NAA60: variants seen among roughly 807,000 people sequenced by gnomAD.
NAA60 encodes the protein N-alpha-acetyltransferase 60, NatF catalytic subunit, also known as N-alpha-acetyltransferase 60.
Under a neutral mutation model 26.1 loss-of-function variants are expected in NAA60, and 8 were observed. The observed-to-expected ratio is 0.31, with a 90% CI of 0.18 to 0.55. NAA60 has a LOEUF of 0.55. Ranked by LOEUF, NAA60 falls within the 20% of genes least tolerant of loss-of-function variation. The pLI, the probability that NAA60 is intolerant of heterozygous loss-of-function variation, is 0.93. For missense variants in NAA60, 290 were observed against 311.3 expected (o/e 0.93, Z 0.51); for synonymous variants, 131 against 122.5 (o/e 1.07, Z -0.46).
intron 2 of NAA60, among the ~76,000 whole-genome samples, chr16:3,470,959 C>A (rs79630269): frequency 1.7e-4 from 24 of 143,784 alleles, no homozygotes; most frequent in African/African-American, 6.2e-4. Context: ...TTAGGTGTGA[C>A]GCGTTTCCAT....
chr16:3,479,387 C>T, intron 3 of NAA60, 84 bp from the exon 4 acceptor site: 1 of 1,476,712 alleles, frequency 6.8e-7, no homozygotes, highest in Non-Finnish European at 9.2e-7. Flanking sequence ...TGGCCCAGAG[C>T]TCCCTGTGGT....
In NAA60 at chr16:3,444,763, T is replaced by C. The variant is rs150866988; in HGVS notation, c.-77+926T>C. On this transcript the variant is annotated intron_variant, in intron 1 of 7. Transcript: ENST00000407558. ...TGCTTCTCTGCCACCCTAAGCATGT[T>C]GGTAACGTTGACAATAGAATCCAGG... 8.8e-4 allele frequency among the ~76,000 whole-genome samples: 134 copies of C among 152,326 alleles called. No homozygotes were observed. The East Asian group carries it at 0.02, about 23-fold the overall frequency.
At chr16:3,484,515 C>T in intron 6 of NAA60, 184 bp from the exon 7 acceptor site, 3 of 741,540 alleles carry the variant, frequency 4.0e-6, no homozygotes, top group South Asian at 1.9e-5. Flanking sequence ...TGTTGTTTTG[C>T]ACAGCAGAGG....
chr16:3,471,525 G>C (rs776367920), intron 2 of NAA60, among the ~76,000 whole-genome samples: 21 of 151,972 alleles, frequency 1.4e-4, no homozygotes, highest in Non-Finnish European at 3.1e-4. Flanking sequence ...ATAATAAAAA[G>C]ATCTGGAACG....
At position 3,484,736 on chromosome 16, in the gene NAA60, C is replaced by G; in HGVS notation, c.610C>G (p.Leu204Val). The G allele has an allele frequency of 6.3e-7, 1 of 1,596,086 alleles. No individual in the cohort carries two copies. The highest frequency in any genetic ancestry group is 8.5e-7 in the Non-Finnish European group (1 of 1,172,214). Residue 204 changes from leucine to valine, a missense_variant, in exon 7 of 8, where the codon CTG (leucine) becomes GTG (valine). Leu to Val is a conservative substitution (Grantham distance 32, BLOSUM62 1). Transcript: ENST00000407558. ...GCACCTGGGCTCTGCACTAGCCAGC[C>G]TGAGCCCCTGCTCCATTCCGCACAG... ...IQHLGSALAS[L>V]SPCSIPHRVY...
chr16:3,472,702 G>A (rs974856456), intron 2 of NAA60, among the ~76,000 whole-genome samples: 1 of 152,144 alleles, frequency 6.6e-6, no homozygotes, highest in African/African-American at 2.4e-5. Flanking sequence ...CAAAGTGCTG[G>A]GATTACAGGC....
intron 4 of NAA60, among the ~76,000 whole-genome samples, chr16:3,481,446 A>G (rs1459864843): frequency 1.3e-5 from 2 of 151,670 alleles, no homozygotes; most frequent in African/African-American, 2.4e-5. Context: ...ATTCCCCTGA[A>G]CCCCATCCCC....
At chr16:3,451,744 C>G (rs1030629952) in intron 2 of NAA60, among the ~76,000 whole-genome samples, 1 of 146,366 alleles carries the variant, frequency 6.8e-6, no homozygotes, top group Non-Finnish European at 1.5e-5. Flanking sequence ...ATGACAAAAC[C>G]TCGTCTCTAC....
intron 4 of NAA60, among the ~76,000 whole-genome samples, 163 bp downstream of exon 4, chr16:3,479,763 C>CTGTGTG (rs397970860): frequency 3.4e-4 from 51 of 151,108 alleles, no homozygotes; most frequent in Admixed American, 2.4e-3. Context: ...TGGTGCTTTT[C>CTGTGTG]TGTGTGTGTG....
At position 3,482,629 on chromosome 16, in the gene NAA60, C is replaced by T. The variant is rs1035387402; in HGVS notation, c.337+31C>T. 16 of 1,504,674 alleles carry T rather than the reference C, an allele frequency of 1.1e-5. No individual in the cohort carries two copies. In the Middle Eastern group the frequency reaches 8.8e-4, roughly 83 times the overall value. The allele number at this position is 1,504,674 out of a possible 1,614,324, so 93.2% of individuals were successfully genotyped here. ...GGCAGCCGGGCCCGCGGCTTGGCGC[C>T]CACCCCACCCCCTTGCCCTACCCCA... is the stretch of plus-strand genomic sequence containing the variant. On this transcript the variant is annotated intron_variant, in intron 5 of 7. Transcript: ENST00000407558.
At position 3,476,713 on chromosome 16, in the gene NAA60, G is replaced by GA. The variant is rs1256542335; in HGVS notation, c.110+385dup. ...TAAAAGTGCAATATTATTCAGCCGG[G>GA]AAAAAAAAACCTGTCAAAGAGTTAT... On this transcript the variant is annotated intron_variant, in intron 3 of 7. Transcript: ENST00000407558. Among the ~76,000 whole-genome samples the GA allele has an allele frequency of 9.8e-3, 1,482 of 151,080 alleles. 34 individuals are homozygous for GA. The highest frequency in any genetic ancestry group is 0.034 in the African/African-American group (1,384 of 41,234).
chr16:3,459,638 G>GT (rs2035244034), intron 2 of NAA60, among the ~76,000 whole-genome samples: 1 of 152,192 alleles, frequency 6.6e-6, no homozygotes, highest in Non-Finnish European at 1.5e-5. Flanking sequence ...GTTTGCTGGA[G>GT]TTTCATCTTA....
chr16:3,453,463 C>T (rs1002801963), intron 2 of NAA60, among the ~76,000 whole-genome samples: 1 of 152,046 alleles, frequency 6.6e-6, no homozygotes, highest in African/African-American at 2.4e-5. Context: ...GGCTGGAGTG[C>T]AATGGCATGA....
chr16:3,470,414 G>A (rs566249361), intron 2 of NAA60, among the ~76,000 whole-genome samples: 2 of 152,196 alleles, frequency 1.3e-5, no homozygotes, highest in Non-Finnish European at 2.9e-5. Context: ...AGTAATTCTC[G>A]CAGATGTTCA....
upstream of NAA60, chr16:3,443,621 C>A: frequency 1.1e-6 from 1 of 879,918 alleles, no homozygotes. Flanking sequence ...AACCGAGGAC[C>A]TGTAGCCACT....
chr16:3,481,981 G>C (rs2036865371), intron 4 of NAA60, among the ~76,000 whole-genome samples: 1 of 152,172 alleles, frequency 6.6e-6, no homozygotes, highest in Non-Finnish European at 1.5e-5. Context: ...GCTTTACGCA[G>C]GTGTGGCGGT....
rs186653500 is a variant in NAA60 at position 3,471,069 on chromosome 16, T to G, written c.-6-5153T>G. On this transcript the variant is annotated intron_variant, in intron 2 of 7. Transcript: ENST00000407558. ...TCGTTGTGTATCTCAGAGCCCAGTG[T>G]TTTTCTTGAAATTCACACTGGAAAC... 4.4e-3 allele frequency among the ~76,000 whole-genome samples: 670 copies of G among 152,276 alleles called. 6 individuals are homozygous for G. Among genetic ancestry groups the G allele is most frequent in the African/African-American group, 0.015 (608 of 41,548 alleles).
At chr16:3,467,346 G>A (rs2035833428) in intron 2 of NAA60, among the ~76,000 whole-genome samples, 1 of 152,134 alleles carries the variant, frequency 6.6e-6, no homozygotes, top group South Asian at 2.1e-4. Context: ...AGAGAAGGGA[G>A]GGCAGGGCAG....
chr16:3,451,078 C>G (rs527582442), intron 2 of NAA60, among the ~76,000 whole-genome samples: 3 of 152,270 alleles, frequency 2.0e-5, no homozygotes, highest in East Asian at 3.9e-4. Flanking sequence ...GTTTGTACAA[C>G]AAACACCTCT....
Sources: allele counts gnomAD v4.1 joint callset (sites outside exome capture counted in the v4.1 genomes callset), GRCh38; gene constraint gnomAD v4.1.1; transcripts MANE v1.5; gene names NCBI Gene and HGNC (gene_info 2026-07-23, HGNC 2026-07-21).